Variants in GIPC2 observed in about 807,000 individuals in gnomAD.
The protein encoded by GIPC2 is GIPC PDZ domain containing family member 2, also known as PDZ domain-containing protein GIPC2.
A neutral mutation model predicts 30.6 loss-of-function variants in GIPC2; 30 were observed. The observed-to-expected ratio is 0.98, with a 90% CI of 0.73 to 1.33. GIPC2 has a LOEUF of 1.33. Among genes scored for constraint, GIPC2 ranks in the 40% most tolerant of loss-of-function variants. GIPC2 has a pLI of 0.00. For synonymous variants in GIPC2, 167 were observed against 150.0 expected, an observed-to-expected ratio of 1.11 and a Z score of -0.83; for missense variants, 414 against 390.3, an observed-to-expected ratio of 1.06 and a Z score of -0.51.
rs536060085 is a variant in GIPC2, at chr1:78,046,028, C to A, written c.-67C>A. On this transcript the variant is annotated 5_prime_UTR_variant, in exon 1 of 6. Transcript: ENST00000370759. The stretch of plus-strand genomic sequence containing the variant: ...CTGCGCGGGGCCCGGGGCGCAAAGT[C>A]CGAGGCGCCGGGGGGAGGAGGCGGC... 21 of 1,398,746 alleles carry A rather than the reference C, an allele frequency of 1.5e-5. No individual in the cohort carries two copies. The African/African-American group carries it at 3.1e-4, about 20-fold the overall frequency. The allele number at this position is 1,398,746 out of a possible 1,614,324, so 86.6% of individuals were successfully genotyped here.
chr1:78,101,637 A>G (rs989428557), intron 3 of GIPC2, among the ~76,000 whole-genome samples: 1 of 152,202 alleles, frequency 6.6e-6, no homozygotes, highest in Non-Finnish European at 1.5e-5. Context: ...CATACTTAAC[A>G]TGGTTCCCCC....
chr1:78,110,434 C>T (rs896527451), intron 3 of GIPC2, among the ~76,000 whole-genome samples: 8 of 152,154 alleles, frequency 5.3e-5, no homozygotes, highest in Non-Finnish European at 8.8e-5. Context: ...ACTGCACATC[C>T]AACAAATATG....
At chr1:78,126,094 T>C (rs1032772737) in intron 5 of GIPC2, 132 bp downstream of exon 5, 5 of 552,102 alleles carry the variant, frequency 9.1e-6, no homozygotes, top group Non-Finnish European at 1.6e-5. Context: ...ATAACAGACA[T>C]AAAGATAAGA....
chr1:78,080,126 A>G (rs1189767029), intron 1 of GIPC2, among the ~76,000 whole-genome samples: 1 of 152,148 alleles, frequency 6.6e-6, no homozygotes, highest in African/African-American at 2.4e-5. Flanking sequence ...GATAAATAAA[A>G]TTGTCTATAT....
intron 3 of GIPC2, among the ~76,000 whole-genome samples, chr1:78,095,899 A>G (rs1393740237): frequency 3.9e-5 from 6 of 152,222 alleles, no homozygotes; most frequent in Non-Finnish European, 8.8e-5. Context: ...TTCACAGAAC[A>G]TAAATATTCC....
intron 3 of GIPC2, among the ~76,000 whole-genome samples, chr1:78,115,897 A>G (rs1246389014): frequency 6.6e-6 from 1 of 152,258 alleles, no homozygotes; most frequent in Non-Finnish European, 1.5e-5. Context: ...CAAAATTAAT[A>G]TGCAAACTCC....
chr1:78,051,866 TTCTTTTGA>T (rs1661204049), intron 1 of GIPC2, among the ~76,000 whole-genome samples: 1 of 152,218 alleles, frequency 6.6e-6, no homozygotes, highest in South Asian at 2.1e-4. Context: ...CAGACAAACC[TTCTTTTGA>T]CACCTGTTCC....
Position 78,137,607 on chromosome 1 carries a change from A to G in GIPC2, c.*1864A>G, listed in dbSNP as rs72687145. 8 of 152,250 alleles carry G rather than the reference A, an allele frequency of 5.3e-5. No individual in the cohort carries two copies. The highest frequency in any genetic ancestry group is 4.2e-4 in the South Asian group (2 of 4,816). 9.4% of individuals were successfully genotyped at this position (152,250 alleles called of 1,614,324 possible). A position where few individuals can be genotyped will look rare whatever the true frequency, so the allele number is the denominator to read the frequency against. On this transcript the variant is annotated 3_prime_UTR_variant, in exon 6 of 6. Coordinates refer to ENST00000370759, the MANE Select transcript of GIPC2 (RefSeq NM_017655.6). ...GTGATATCCATGTACAGCTGTAACT[A>G]TATATACTTGTCTGTTAGCATTCAG... is the stretch of plus-strand genomic sequence containing the variant.
At chr1:78,107,656 CT>C (rs1339975229) in intron 3 of GIPC2, among the ~76,000 whole-genome samples, 2 of 151,646 alleles carry the variant, frequency 1.3e-5, no homozygotes, top group African/African-American at 2.4e-5. Context: ...GAAACCCCAT[CT>C]CTTCTAAAAA....
chr1:78,105,632 T>C (rs188388996), intron 3 of GIPC2, among the ~76,000 whole-genome samples: 101 of 152,194 alleles, frequency 6.6e-4, no homozygotes, highest in Admixed American at 1.8e-3. Context: ...ATAACAACCA[T>C]GAATAGGAGG....
chr1:78,064,033 A>C (rs1661456238), intron 1 of GIPC2, among the ~76,000 whole-genome samples: 2 of 152,224 alleles, frequency 1.3e-5, no homozygotes, highest in Non-Finnish European at 2.9e-5. Context: ...CAACAGGAGC[A>C]GACTGATATA....
intron 1 of GIPC2, among the ~76,000 whole-genome samples, chr1:78,055,261 G>A (rs1661267561): frequency 6.6e-6 from 1 of 152,096 alleles, no homozygotes; most frequent in African/African-American, 2.4e-5. Flanking sequence ...TGACCCTCAT[G>A]ACCCAGTCAC....
rs112123055 is a variant in GIPC2 at position 78,102,935 on chromosome 1, G to C, written c.607+7803G>C. Among the ~76,000 whole-genome samples the C allele has an allele frequency of 2.0e-3, 311 of 152,306 alleles. 4 individuals carry two copies. Among genetic ancestry groups the C allele is most frequent in the African/African-American group, 6.7e-3 (279 of 41,558 alleles). Reference sequence around the variant, plus strand: ...CTGTTTGGATTCTGGAAAGACAGATGGCAATATCACATCTCATATCAACTA... The same window carrying C: ...CTGTTTGGATTCTGGAAAGACAGATCGCAATATCACATCTCATATCAACTA... On this transcript the variant is annotated intron_variant, in intron 3 of 5. Transcript: ENST00000370759.
Position 78,095,151 on chromosome 1 carries a change from G to A in GIPC2, c.607+19G>A, listed in dbSNP as rs1325510647. ...GCATTTGGTAAGTCAGGGGTTGGTG[G>A]GCGGGTGTGTGAAATGTTTGCTTTC... On this transcript the variant is annotated intron_variant, in intron 3 of 5. Transcript: ENST00000370759. The A allele has an allele frequency of 2.5e-6, 4 of 1,580,328 alleles. No individual in the cohort carries two copies. The South Asian group carries it at 4.5e-5, about 18-fold the overall frequency.
chr1:78,117,089 ATCTAC>A (rs879734141), intron 3 of GIPC2, among the ~76,000 whole-genome samples: 3 of 152,242 alleles, frequency 2.0e-5, no homozygotes, highest in Non-Finnish European at 4.4e-5. Flanking sequence ...AGTTTTTGCA[ATCTAC>A]TCATCTGACA....
At chr1:78,068,248 A>C (rs1661556948) in intron 1 of GIPC2, among the ~76,000 whole-genome samples, 1 of 152,112 alleles carries the variant, frequency 6.6e-6, no homozygotes, top group African/African-American at 2.4e-5. Flanking sequence ...TCTTTCCCCC[A>C]CTGAACATTT....
At chr1:78,131,125 T>C (rs1662886420) in intron 5 of GIPC2, among the ~76,000 whole-genome samples, 3 of 149,330 alleles carry the variant, frequency 2.0e-5, no homozygotes, top group Non-Finnish European at 4.5e-5. Flanking sequence ...GTTAAACATT[T>C]ACTATTTTTT....
intron 5 of GIPC2, 108 bp downstream of exon 5, chr1:78,126,070 G>A: frequency 3.4e-6 from 2 of 588,226 alleles, no homozygotes; most frequent in Admixed American, 5.8e-5. Context: ...AATATTTGTG[G>A]TATGATGAAA....
chr1:78,076,515 G>T (rs1287906895), intron 1 of GIPC2, among the ~76,000 whole-genome samples: 1 of 152,168 alleles, frequency 6.6e-6, no homozygotes, highest in South Asian at 2.1e-4. Context: ...TAAGGTGCAG[G>T]CAATCTAGAT....
Sources: gnomAD v4.1 joint callset for allele counts (sites outside exome capture counted in the v4.1 genomes callset) on GRCh38, gnomAD v4.1.1 for gene constraint, MANE v1.5 for transcripts, NCBI Gene and HGNC (gene_info 2026-07-23, HGNC 2026-07-21) for gene names.